TRAM2: variants seen among roughly 807,000 people sequenced by gnomAD.
TRAM2 encodes the protein translocation associated membrane protein 2.
In TRAM2, 12 loss-of-function variants were observed where a neutral mutation model predicts 51.0. The ratio of observed to expected loss-of-function variants is 0.24; its 90% CI spans 0.15 to 0.38. The LOEUF (loss-of-function observed/expected upper bound fraction) is 0.38. Ranked by LOEUF, TRAM2 falls within the 10% of genes least tolerant of loss-of-function variation. The pLI is 1.00. For synonymous variants in TRAM2, 175 were observed against 179.4 expected, an observed-to-expected ratio of 0.98 and a Z score of 0.20; for missense variants, 361 against 462.0, an observed-to-expected ratio of 0.78 and a Z score of 2.00.
At chr6:52,519,394 T>C (rs1183959122) in intron 2 of TRAM2, among the ~76,000 whole-genome samples, 2 of 152,222 alleles carry the variant, frequency 1.3e-5, no homozygotes, top group Non-Finnish European at 2.9e-5. Context: ...CACTCATCAT[T>C]AGGGCACTAC....
At chr6:52,556,534 G>A (rs184270027) in intron 1 of TRAM2, among the ~76,000 whole-genome samples, 110 of 151,898 alleles carry the variant, frequency 7.2e-4, no homozygotes, top group South Asian at 1.0e-3. Flanking sequence ...CACTCGCCTT[G>A]CCCCCACAGA....
intron 1 of TRAM2, among the ~76,000 whole-genome samples, chr6:52,576,037 C>A (rs933082024): frequency 6.6e-6 from 1 of 152,142 alleles, no homozygotes; most frequent in East Asian, 1.9e-4. Flanking sequence ...CCATCCTCTG[C>A]CCCCCACTCC....
At chr6:52,559,058 T>C (rs192000522) in intron 1 of TRAM2, among the ~76,000 whole-genome samples, 127 of 152,324 alleles carry the variant, frequency 8.3e-4, no homozygotes, top group South Asian at 3.9e-3. Context: ...GGAATGTTAC[T>C]ATACACTACT....
chr6:52,526,278 A>G (rs1247147551), intron 2 of TRAM2, among the ~76,000 whole-genome samples: 2 of 152,102 alleles, frequency 1.3e-5, no homozygotes, highest in African/African-American at 4.8e-5. Flanking sequence ...GCTTTGTAAT[A>G]TATTTTCTCC....
At chr6:52,504,855 A>G in intron 9 of TRAM2, 101 bp from the exon 10 acceptor site, 1 of 1,079,124 alleles carries the variant, frequency 9.3e-7, no homozygotes. Context: ...TGCAGTTCCC[A>G]TGGCTTATCA....
chr6:52,574,981 C>G (rs1196891065), intron 1 of TRAM2, among the ~76,000 whole-genome samples: 1 of 152,188 alleles, frequency 6.6e-6, no homozygotes, highest in East Asian at 1.9e-4. Context: ...GTGTATCTTT[C>G]CAGCCACACC....
In TRAM2 at chr6:52,506,081, A is replaced by G; in HGVS notation, c.682T>C (p.Phe228Leu). The change falls in exon 8 of 11, where the codon TTC (phenylalanine) becomes CTC (leucine). Residue 228 changes from phenylalanine (F) to leucine (L), a missense_variant. Phe to Leu is a conservative substitution (Grantham distance 22, BLOSUM62 0). Transcript: ENST00000182527. The stretch of plus-strand genomic sequence containing the variant: ...AAGTAGAAGAGTCTAGCCGTGTGGA[A>G]GAGGAACTCAGTTGAGTACTGCAGC... ...LLLQYSTEFL[F>L]HTARLFYFAD... is the part of the protein sequence containing the mutation. 1 of 1,614,198 alleles carries G rather than the reference A, an allele frequency of 6.2e-7. No individual in the cohort carries two copies. The highest frequency in any genetic ancestry group is 8.5e-7 in the Non-Finnish European group (1 of 1,180,046).
At chr6:52,528,671 A>G (rs991970603) in intron 2 of TRAM2, among the ~76,000 whole-genome samples, 5 of 152,134 alleles carry the variant, frequency 3.3e-5, no homozygotes, top group Non-Finnish European at 4.4e-5. Flanking sequence ...TGGCTGCAAA[A>G]TGCAACAGAG....
intron 9 of TRAM2, 46 bp from the exon 10 acceptor site, chr6:52,504,800 A>G: frequency 6.5e-7 from 1 of 1,545,500 alleles, no homozygotes; most frequent in Non-Finnish European, 8.7e-7. Context: ...TTGGGCTCAC[A>G]GCCTTGGGCT....
rs1419893268 is a variant in TRAM2, at chr6:52,507,583, AG to A, written c.595del (p.Leu199TrpfsTer4). 1 of 1,614,122 alleles carries A rather than the reference AG, an allele frequency of 6.2e-7. No homozygotes were observed. The highest frequency in any genetic ancestry group is 1.3e-5 in the African/African-American group (1 of 74,946). ...GAGGTATGCTCCAGCTATATGCACCAGGTACAGGCAAATATACTGGAGCTGG... is the reference window on the plus strand; with the variant it reads ...GAGGTATGCTCCAGCTATATGCACCAGTACAGGCAAATATACTGGAGCTGG... Reference protein sequence around the residue: ...PRQLQYICLYLVHIAGAYLLN... With the variant: ...PRQLQYICLYXVHIAGAYLLN... On this transcript the variant is annotated frameshift_variant, in exon 7 of 11. Coordinates refer to ENST00000182527, the MANE Select transcript of TRAM2 (RefSeq NM_012288.4). LOFTEE classifies it high-confidence loss of function.
chr6:52,568,316 C>T (rs184584317), intron 1 of TRAM2, among the ~76,000 whole-genome samples: 168 of 152,362 alleles, frequency 1.1e-3, no homozygotes, highest in African/African-American at 3.8e-3. Flanking sequence ...TCTACTTCAA[C>T]ATTCCTCCTC....
intron 2 of TRAM2, chr6:52,522,941 C>A: frequency 1.4e-6 from 1 of 702,432 alleles, no homozygotes; most frequent in Non-Finnish European, 2.6e-6. Context: ...TGTCTGGATC[C>A]CACTGTGCGG....
intron 1 of TRAM2, among the ~76,000 whole-genome samples, chr6:52,576,316 A>T (rs1343903369): frequency 6.6e-6 from 1 of 152,230 alleles, no homozygotes; most frequent in African/African-American, 2.4e-5. Flanking sequence ...AAACACCCAG[A>T]AAATCACATA....
intron 1 of TRAM2, among the ~76,000 whole-genome samples, chr6:52,554,896 G>A (rs1214687248): frequency 6.6e-6 from 1 of 151,338 alleles, no homozygotes; most frequent in African/African-American, 2.4e-5. Flanking sequence ...AGCCTCTTCA[G>A]TAGCTGAGGT....
chr6:52,538,449 C>A (rs1767013080), intron 1 of TRAM2, among the ~76,000 whole-genome samples: 1 of 152,136 alleles, frequency 6.6e-6, no homozygotes, highest in Non-Finnish European at 1.5e-5. Context: ...AGGAGCTGGG[C>A]CAACCGGACA....
intron 1 of TRAM2, among the ~76,000 whole-genome samples, chr6:52,557,574 G>A (rs1173153482): frequency 6.6e-6 from 1 of 152,090 alleles, no homozygotes; most frequent in Non-Finnish European, 1.5e-5. Flanking sequence ...CACTCACCAC[G>A]CATGCATAAC....
intron 1 of TRAM2, among the ~76,000 whole-genome samples, chr6:52,546,046 T>C (rs930778517): frequency 6.6e-6 from 1 of 152,122 alleles, no homozygotes; most frequent in Non-Finnish European, 1.5e-5. Context: ...CGGTTCAGGA[T>C]GGAGAGGCTC....
At chr6:52,563,195 T>C (rs1332304966) in intron 1 of TRAM2, among the ~76,000 whole-genome samples, 4 of 152,220 alleles carry the variant, frequency 2.6e-5, no homozygotes, top group Non-Finnish European at 4.4e-5. Context: ...TGGAAGACTG[T>C]GCAACCTTCC....
At chr6:52,570,328 C>T (rs975592883) in intron 1 of TRAM2, among the ~76,000 whole-genome samples, 1 of 152,174 alleles carries the variant, frequency 6.6e-6, no homozygotes, top group African/African-American at 2.4e-5. Context: ...ATAATTGTTC[C>T]AGGCAGAAAA....
Sources: gnomAD v4.1 joint callset for allele counts (sites outside exome capture counted in the v4.1 genomes callset) on GRCh38, gnomAD v4.1.1 for gene constraint, MANE v1.5 for transcripts, NCBI Gene and HGNC (gene_info 2026-07-23, HGNC 2026-07-21) for gene names.